Variants in AVEN observed in about 807,000 individuals in gnomAD.
The protein encoded by AVEN is apoptosis and caspase activation inhibitor.
Under a neutral mutation model 38.1 loss-of-function variants are expected in AVEN, and 41 were observed. The observed-to-expected ratio is 1.08, with a 90% confidence interval of 0.84 to 1.40. The LOEUF is 1.40. AVEN is among the 40% of genes most tolerant of loss of function. The probability of loss-of-function intolerance (pLI) is 0.00; values close to 1 mark genes in which losing one functional copy is unlikely to be tolerated. For synonymous variants in AVEN, 206 were observed against 171.8 expected (o/e 1.20, Z -1.56); for missense variants, 605 against 438.8 (o/e 1.38, Z -3.38).
At chr15:33,870,779 A>C (rs1890912289) in intron 4 of AVEN, among the ~76,000 whole-genome samples, 156 bp downstream of exon 4, 2 of 152,150 alleles carry the variant, frequency 1.3e-5, no homozygotes, top group South Asian at 4.1e-4. Flanking sequence ...AAATTTTTGG[A>C]TTCTCCTTTA....
chr15:34,003,137 T>C lies in AVEN; in HGVS notation c.340A>G (p.Ile114Val). The change falls in exon 2 of 6, where the codon ATT becomes GTT. Residue 114 changes from isoleucine to valine, a missense_variant. Transcript: ENST00000306730. Reference protein sequence around the residue: ...DEQGNYSKRKIVSNWDRYQDI... With the variant: ...DEQGNYSKRKVVSNWDRYQDI... ...TGATATCGATCCCAGTTAGAGACAA[T>C]CTTTCTTTTAGAATAATTTCCCTGT... The C allele has an allele frequency of 6.2e-7, 1 of 1,613,926 alleles. No homozygotes were observed. The highest frequency in any genetic ancestry group is 8.5e-7 in the Non-Finnish European group (1 of 1,179,920).
intron 2 of AVEN, among the ~76,000 whole-genome samples, chr15:33,897,761 A>T (rs1892298909): frequency 6.6e-6 from 1 of 152,160 alleles, no homozygotes; most frequent in Non-Finnish European, 1.5e-5. Flanking sequence ...GTGCACCTAC[A>T]GTCTTAGCTA....
intron 2 of AVEN, among the ~76,000 whole-genome samples, chr15:33,948,650 A>C (rs1212290259): frequency 1.3e-5 from 2 of 152,006 alleles, no homozygotes; most frequent in African/African-American, 4.8e-5. Flanking sequence ...TAAAGGATAA[A>C]ATAAGGTATG....
downstream of AVEN, chr15:33,865,158 G>A: frequency 6.2e-7 from 1 of 1,613,718 alleles, no homozygotes; most frequent in Non-Finnish European, 8.5e-7. Flanking sequence ...GATGTACCAA[G>A]AAAGGTGTTG....
At chr15:34,017,434 G>T (rs896521883) in intron 1 of AVEN, among the ~76,000 whole-genome samples, 5 of 149,072 alleles carry the variant, frequency 3.4e-5, no homozygotes, top group African/African-American at 1.2e-4. Flanking sequence ...ACCCATTCTC[G>T]TAAGATGCCA....
At chr15:33,968,793 C>G (rs550937616) in intron 2 of AVEN, 1 of 151,980 alleles carries the variant, frequency 6.6e-6, no homozygotes, top group African/African-American at 2.4e-5. Context: ...AGAACTTTTC[C>G]AGGGGGTCAA....
chr15:33,930,222 C>G (rs1893788716), intron 2 of AVEN, among the ~76,000 whole-genome samples: 1 of 152,058 alleles, frequency 6.6e-6, no homozygotes, highest in South Asian at 2.1e-4. Flanking sequence ...TAAGAGTGAG[C>G]AGAACCATGT....
At chr15:33,899,460 C>CTTTTTTTTTTTTTTTTTTGTTTTTTTTTT (rs1892392045) in intron 2 of AVEN, among the ~76,000 whole-genome samples, 1 of 65,430 alleles carries the variant, frequency 1.5e-5, no homozygotes, top group Non-Finnish European at 2.9e-5. Context: ...CAGGGAAAAC[C>CTTTTTTTTTTTTTTTTTTGTTTTTTTTTT]TTTTTTTTTT....
chr15:33,861,161 C>G, intron 11 of AVEN: 3 of 1,588,336 alleles, frequency 1.9e-6, no homozygotes, highest in Non-Finnish European at 2.6e-6. Context: ...TACAAGAGCA[C>G]AACTTAGCCA....
intron 2 of AVEN, among the ~76,000 whole-genome samples, chr15:33,900,308 ATT>A (rs59027472): frequency 0.53 from 78,964 of 147,808 alleles, 21,575 homozygotes; most frequent in Middle Eastern, 0.69. Flanking sequence ...TTGGGAGAAC[ATT>A]TTTTTTTTTT....
intron 2 of AVEN, among the ~76,000 whole-genome samples, chr15:33,900,017 A>G (rs1244935854): frequency 1.3e-5 from 2 of 152,166 alleles, no homozygotes; most frequent in East Asian, 1.9e-4. Context: ...CAGCAATTCA[A>G]TGGAAATTCA....
intron 5 of AVEN, among the ~76,000 whole-genome samples, chr15:34,048,660 A>G (rs192290171): frequency 1.3e-3 from 197 of 152,280 alleles, no homozygotes; most frequent in African/African-American, 4.6e-3. Context: ...TGGACAAGGA[A>G]CAGTGCCCCC....
chr15:33,917,351 G>GGGGTGTGT (rs1555506891), intron 2 of AVEN, among the ~76,000 whole-genome samples: 1 of 140,356 alleles, frequency 7.1e-6, no homozygotes, highest in East Asian at 2.2e-4. Context: ...AAGAAAATGT[G>GGGGTGTGT]GTGTGTGTGT....
At chr15:33,875,783 T>C (rs1178005774) in intron 3 of AVEN, 142 bp downstream of exon 3, 1 of 733,930 alleles carries the variant, frequency 1.4e-6, no homozygotes, top group Non-Finnish European at 2.1e-6. Flanking sequence ...CCCCTGAAAA[T>C]TTTCTGAAAA....
intron 2 of AVEN, among the ~76,000 whole-genome samples, chr15:33,904,000 T>C (rs75419155): frequency 0.017 from 2,547 of 152,340 alleles, 30 homozygotes; most frequent in South Asian, 0.059. Flanking sequence ...TCTGAACATA[T>C]ATAACATAGA....
At chr15:33,955,093 TTTTTG>T (rs1323011228) in intron 2 of AVEN, among the ~76,000 whole-genome samples, 2 of 152,246 alleles carry the variant, frequency 1.3e-5, no homozygotes, top group Non-Finnish European at 2.9e-5. Context: ...AGTATTGTCT[TTTTTG>T]TTTTAATTTT....
chr15:33,886,968 G>T (rs1891728698), intron 2 of AVEN, among the ~76,000 whole-genome samples: 1 of 152,140 alleles, frequency 6.6e-6, no homozygotes, highest in Non-Finnish European at 1.5e-5. Flanking sequence ...AATAGTTGAA[G>T]AAAAGGGGGC....
intron 2 of AVEN, among the ~76,000 whole-genome samples, chr15:33,877,891 G>C (rs1304999799): frequency 6.6e-6 from 1 of 152,186 alleles, no homozygotes; most frequent in East Asian, 1.9e-4. Context: ...GGAGGTTGCA[G>C]TGAGCCAAAA....
intron 2 of AVEN, among the ~76,000 whole-genome samples, chr15:33,889,102 A>G (rs1891828684): frequency 1.3e-5 from 2 of 152,224 alleles, no homozygotes; most frequent in African/African-American, 4.8e-5. Context: ...ATTTGTATAT[A>G]CTTGAAAATA....
Sources: gnomAD v4.1 joint callset for allele counts (sites outside exome capture counted in the v4.1 genomes callset) on GRCh38, gnomAD v4.1.1 for gene constraint, MANE v1.5 for transcripts, NCBI Gene and HGNC (gene_info 2026-07-23, HGNC 2026-07-21) for gene names.